Variants in KRT77 observed in about 807,000 individuals in gnomAD.
KRT77 encodes keratin, type II cytoskeletal 1b.
Under a neutral mutation model 51.5 loss-of-function variants are expected in KRT77, and 44 were observed. That is an observed-to-expected ratio of 0.85 (90% confidence interval 0.67 to 1.10). The LOEUF (loss-of-function observed/expected upper bound fraction) is 1.10, where lower values mean the gene tolerates loss of function less well. Ranked by LOEUF, KRT77 falls within the 50% of genes least tolerant of loss-of-function variation. The probability of loss-of-function intolerance (pLI) is 0.00; values close to 1 mark genes in which losing one functional copy is unlikely to be tolerated. For synonymous variants in KRT77, 293 were observed against 302.0 expected (o/e 0.97, Z 0.31); for missense variants, 763 against 743.9 (o/e 1.03, Z -0.30).
chr12:52,692,328 A>G, intron 7 of KRT77, 93 bp downstream of exon 7: 1 of 1,405,528 alleles, frequency 7.1e-7, no homozygotes, highest in Non-Finnish European at 9.8e-7. Flanking sequence ...CTTCCCAAAA[A>G]GGTGGGGCTT....
intron 4 of KRT77, 145 bp from the exon 5 acceptor site, chr12:52,694,935 A>G: frequency 1.6e-6 from 1 of 627,328 alleles, no homozygotes; most frequent in East Asian, 3.0e-5. Flanking sequence ...TGTTGTGTGC[A>G]ATGAGAGATA....
chr12:52,699,183 G>A (rs1395532508), intron 1 of KRT77, among the ~76,000 whole-genome samples: 2 of 152,176 alleles, frequency 1.3e-5, no homozygotes, highest in Non-Finnish European at 1.5e-5. Context: ...TTACTCTGTG[G>A]TGGCACTCCC....
In KRT77 at chr12:52,697,818, T is replaced by C; in HGVS notation, c.622A>G (p.Thr208Ala). The C allele has an allele frequency of 1.9e-6, 3 of 1,614,024 alleles. No homozygotes were observed. The highest frequency in any genetic ancestry group is 1.1e-5 in the South Asian group (1 of 91,072). The change falls in exon 2 of 9, where the codon ACC becomes GCC. Residue 208 changes from threonine (T) to alanine (A), a missense_variant. Thr to Ala is a moderately conservative substitution (Grantham distance 58, BLOSUM62 0). Coordinates refer to ENST00000341809, the MANE Select transcript of KRT77 (RefSeq NM_175078.3). ...TCCAAGAGGGGCTCCAGGTTGTTGG[T>C]TCCAGTTGAGGTGTTCACCTGCTGC... ...LLQQVNTSTG[T>A]NNLEPLLENY...
chr12:52,694,683 C>G lies in KRT77; in HGVS notation c.1023G>C (p.Gln341His), dbSNP rs1941765791. 6.2e-7 allele frequency: 1 copy of G among 1,613,614 alleles called. No homozygotes were observed. The highest frequency in any genetic ancestry group is 8.5e-7 in the Non-Finnish European group (1 of 1,179,734). ...LDSIIDAVRT[Q>H]YELIAQRSKD... is the part of the protein sequence containing the mutation. ...TGCTCCTCTGTGCAATCAGTTCATA[C>G]TGGGTCCGCACTGCATCGATGATGC... is the stretch of plus-strand genomic sequence containing the variant. Residue 341 changes from glutamine to histidine, a missense_variant, in exon 5 of 9, where the codon CAG becomes CAC. Transcript: ENST00000341809.
Position 52,691,148 on chromosome 12 carries a change from T to C in KRT77, c.*17A>G, listed in dbSNP as rs1941697700. On this transcript the variant is annotated 3_prime_UTR_variant, in exon 9 of 9. Coordinates refer to ENST00000341809, the MANE Select transcript of KRT77 (RefSeq NM_175078.3). ...GGCGGTGAGGGGCAGGCGTGATGTGTGGCAGAAACGAGGCCTCTACTCCAA... is the reference window on the plus strand; with the variant it reads ...GGCGGTGAGGGGCAGGCGTGATGTGCGGCAGAAACGAGGCCTCTACTCCAA... 2 of 1,613,986 alleles carry C rather than the reference T, an allele frequency of 1.2e-6. No homozygotes were observed. Among genetic ancestry groups the C allele is most frequent in the Non-Finnish European group, 8.5e-7 (1 of 1,179,946 alleles).
At chr12:52,700,327 A>C (rs1941868523) in intron 1 of KRT77, among the ~76,000 whole-genome samples, 1 of 152,244 alleles carries the variant, frequency 6.6e-6, no homozygotes. Flanking sequence ...TGTAAAAAAT[A>C]CAGTGCCTCA....
chr12:52,703,058 C>A lies in KRT77; in HGVS notation c.377G>T (p.Gly126Val). 6.8e-6 allele frequency: 11 copies of A among 1,613,794 alleles called. No individual in the cohort carries two copies. Among genetic ancestry groups the A allele is most frequent in the Non-Finnish European group, 9.3e-6 (11 of 1,179,956 alleles). The change falls in exon 1 of 9, where the codon GGC becomes GTC. Residue 126 changes from glycine to valine, a missense_variant. Physicochemically the swap from Gly to Val is moderately radical, Grantham distance 109. Transcript: ENST00000341809. ...GFGTSNFGLG[G>V]FGPYCPPGGI... is the part of the protein sequence containing the mutation. ...CCCAGGAGGACAATAAGGACCAAAGCCCCCAAGCCCAAAATTGCTAGTCCC... is the reference window on the plus strand; with the variant it reads ...CCCAGGAGGACAATAAGGACCAAAGACCCCAAGCCCAAAATTGCTAGTCCC...
Position 52,703,382 on chromosome 12 carries a change from A to G in KRT77, c.53T>C (p.Val18Ala), listed in dbSNP as rs201637186. The change falls in exon 1 of 9, where the codon GTT (valine) becomes GCT (alanine). Residue 18 changes from valine to alanine, a missense_variant. Physicochemically the swap from Val to Ala is moderately conservative, Grantham distance 64. Transcript: ENST00000341809. ...GCCTGCAGAAGAGCTGGTACTATAA[A>G]CCCGCCTGCTCATTGAACTAAACGC... ...QSAFSSMSRR[V>A]YSTSSSAGSG... 13 of 1,611,580 alleles carry G rather than the reference A, an allele frequency of 8.1e-6. No individual in the cohort carries two copies. The highest frequency in any genetic ancestry group is 9.3e-6 in the Non-Finnish European group (11 of 1,178,510).
rs1555172425 is a variant in KRT77, at chr12:52,692,555, CAGGTCCTG to C, written c.1285_1292del (p.Gln429GlyfsTer17). 17 of 1,604,560 alleles carry C rather than the reference CAGGTCCTG, an allele frequency of 1.1e-5. No individual in the cohort carries two copies. The highest frequency in any genetic ancestry group is 1.3e-5 in the Non-Finnish European group (15 of 1,171,666). On this transcript the variant is annotated frameshift_variant, in exon 7 of 9. Coordinates refer to ENST00000341809, the MANE Select transcript of KRT77 (RefSeq NM_175078.3). LOFTEE classifies it high-confidence loss of function. ...CCTTGGACTGCTGCAGGGCCTCCTC[CAGGTCCTG>C]CAGCTTCTGCCACGCATCCTGGAGG...
intron 6 of KRT77, 39 bp downstream of exon 6, chr12:52,692,716 T>C (rs1353454057): frequency 6.2e-7 from 1 of 1,601,012 alleles, no homozygotes; most frequent in Non-Finnish European, 8.6e-7. Flanking sequence ...TTGTAGGAGG[T>C]GCAGGGCTTG....
intron 7 of KRT77, 78 bp from the exon 8 acceptor site, chr12:52,692,050 C>T: frequency 1.4e-6 from 2 of 1,467,886 alleles, no homozygotes; most frequent in Non-Finnish European, 1.9e-6. Context: ...ACATCTGGAT[C>T]AGAGGTGTCC....
intron 3 of KRT77, 42 bp from the exon 4 acceptor site, chr12:52,695,909 A>G: frequency 7.9e-7 from 1 of 1,257,972 alleles, no homozygotes; most frequent in Non-Finnish European, 1.2e-6. Context: ...TTGCCCAGGC[A>G]TTGCCTGCCA....
chr12:52,699,287 G>A (rs1025816500), intron 1 of KRT77, among the ~76,000 whole-genome samples: 1 of 152,166 alleles, frequency 6.6e-6, no homozygotes, highest in Non-Finnish European at 1.5e-5. Context: ...GTCCCATGGA[G>A]AGTCTCCACA....
In KRT77 at chr12:52,691,233, G is replaced by A. The variant is rs1320852577; in HGVS notation, c.1669C>T (p.Arg557Cys). 11 of 1,613,662 alleles carry A rather than the reference G, an allele frequency of 6.8e-6. No homozygotes were observed. In the East Asian group the frequency reaches 1.6e-4, roughly 23 times the overall value. ...ATGATCTGCACGCGCGAGGATCCGC[G>A]GCCGCTTCTGCCGCTCCCTCCGTAG... Reference protein sequence around the residue: ...GSYGGSGRSGRGSSRVQIIQT... With the variant: ...GSYGGSGRSGCGSSRVQIIQT... Residue 557 changes from arginine (R) to cysteine (C), a missense_variant, in exon 9 of 9, where the codon CGC (arginine) becomes TGC (cysteine). By Grantham distance (180) the Arg-to-Cys change is radical. Coordinates refer to ENST00000341809, the MANE Select transcript of KRT77 (RefSeq NM_175078.3).
At chr12:52,698,104 T>C (rs1487325759) in intron 1 of KRT77, 21 of 1,474,550 alleles carry the variant, frequency 1.4e-5, no homozygotes, top group Non-Finnish European at 1.8e-5. Flanking sequence ...TCAACTTGCC[T>C]AAAATTGACA....
Position 52,703,445 on chromosome 12 carries a change from G to A in KRT77, c.-11C>T. The A allele has an allele frequency of 6.4e-7, 1 of 1,563,736 alleles. No individual in the cohort carries two copies. The highest frequency in any genetic ancestry group is 8.7e-7 in the Non-Finnish European group (1 of 1,151,144). ...AAATTGGTGGCTCATGTTTGCTGGAGCATCCAGAGAAGCAGGCAAGAGAAA... is the reference window on the plus strand; with the variant it reads ...AAATTGGTGGCTCATGTTTGCTGGAACATCCAGAGAAGCAGGCAAGAGAAA... On this transcript the variant is annotated 5_prime_UTR_variant, in exon 1 of 9. Transcript: ENST00000341809.
At chr12:52,702,149 G>A (rs1324374307) in intron 1 of KRT77, among the ~76,000 whole-genome samples, 1 of 152,112 alleles carries the variant, frequency 6.6e-6, no homozygotes, top group Non-Finnish European at 1.5e-5. Context: ...CAGAGCTCAT[G>A]ACACCCTCCT....
At position 52,698,657 on chromosome 12, in the gene KRT77, G is replaced by A. The variant is rs553680589; in HGVS notation, c.544-761C>T. The stretch of plus-strand genomic sequence containing the variant: ...ATGGAGGTAAGATGCGGGGCCCAGG[G>A]AGGCGGCTGGCTGTGCAAAGTGTGC... On this transcript the variant is annotated intron_variant, in intron 1 of 8. Coordinates refer to ENST00000341809, the MANE Select transcript of KRT77 (RefSeq NM_175078.3). Among the ~76,000 whole-genome samples the A allele has an allele frequency of 2.6e-5, 4 of 152,320 alleles. No individual in the cohort carries two copies. In the East Asian group the frequency reaches 7.7e-4, roughly 29 times the overall value.
intron 4 of KRT77, 92 bp downstream of exon 4, chr12:52,695,680 C>T (rs372191672): frequency 5.8e-4 from 1 of 1,718 alleles, no homozygotes; most frequent in Non-Finnish European, 0.024. Context: ...TAGTGGGACC[C>T]TAGTGTTGGG....
Sources: allele counts gnomAD v4.1 joint callset (sites outside exome capture counted in the v4.1 genomes callset), GRCh38; gene constraint gnomAD v4.1.1; transcripts MANE v1.5; gene names NCBI Gene and HGNC (gene_info 2026-07-23, HGNC 2026-07-21).